The following ADAMTS6 variants were observed in gnomAD, a reference collection of about 807,000 sequenced individuals.
ADAMTS6 encodes the protein ADAM metallopeptidase with thrombospondin type 1 motif 6.
ADAMTS6 carries 23 observed loss-of-function variants against 144.3 expected under a neutral mutation model. The ratio of observed to expected loss-of-function variants is 0.16; its 90% CI spans 0.11 to 0.23. The LOEUF (loss-of-function observed/expected upper bound fraction) is 0.23, where lower values mean the gene tolerates loss of function less well. ADAMTS6 is among the 10% of genes least tolerant of loss of function. The pLI, the probability that ADAMTS6 is intolerant of heterozygous loss-of-function variation, is 1.00. For missense variants in ADAMTS6, 999 were observed against 1,379.6 expected, an observed-to-expected ratio of 0.72 and a Z score of 4.37; for synonymous variants, 444 against 457.5, an observed-to-expected ratio of 0.97 and a Z score of 0.38.
intron 7 of ADAMTS6, among the ~76,000 whole-genome samples, chr5:65,447,341 G>A (rs1180726842): frequency 1.3e-5 from 2 of 151,840 alleles, no homozygotes; most frequent in East Asian, 3.8e-4. Flanking sequence ...CTATTAATTT[G>A]GTTTATCAAT....
At chr5:65,211,164 T>C (rs1756505336) in intron 20 of ADAMTS6, among the ~76,000 whole-genome samples, 1 of 152,184 alleles carries the variant, frequency 6.6e-6, no homozygotes, top group Non-Finnish European at 1.5e-5. Flanking sequence ...CTTCCCTCAA[T>C]CATAAGCTTC....
intron 12 of ADAMTS6, 67 bp from the exon 13 acceptor site, chr5:65,263,029 A>T: frequency 6.2e-7 from 1 of 1,600,636 alleles, no homozygotes; most frequent in South Asian, 1.1e-5. Context: ...ATAGAAATAC[A>T]TAAGGGTCAG....
rs146218791 is a variant in ADAMTS6, at chr5:65,456,655, C to T, written c.631+3515G>A. ...CCAGCACCTAGAATAGCCTTGCATA[C>T]GGGTACTAAATGAATATTTATTTAA... On this transcript the variant is annotated intron_variant, in intron 4 of 24. Coordinates refer to ENST00000381055, the MANE Select transcript of ADAMTS6 (RefSeq NM_197941.4). 9.9e-5 allele frequency among the ~76,000 whole-genome samples: 15 copies of T among 152,014 alleles called. No individual in the cohort carries two copies. In the East Asian group the frequency reaches 1.4e-3, roughly 14 times the overall value.
intron 9 of ADAMTS6, among the ~76,000 whole-genome samples, chr5:65,325,121 T>C (rs1172007725): frequency 2.0e-5 from 3 of 151,986 alleles, no homozygotes; most frequent in African/African-American, 4.8e-5. Context: ...AGGAGATCCA[T>C]GGTTGTCTGG....
intron 11 of ADAMTS6, among the ~76,000 whole-genome samples, chr5:65,290,516 A>G (rs1264182534): frequency 6.6e-6 from 1 of 151,980 alleles, no homozygotes; most frequent in Admixed American, 6.6e-5. Context: ...GCACCACTGC[A>G]CTCCAGCCTG....
chr5:65,320,975 T>C (rs1344062200), intron 9 of ADAMTS6, among the ~76,000 whole-genome samples: 2 of 152,150 alleles, frequency 1.3e-5, no homozygotes, highest in Non-Finnish European at 2.9e-5. Context: ...GTTGATTTCA[T>C]GTCTTTGCTA....
At chr5:65,184,054 CTAT>C (rs2112152277) in intron 22 of ADAMTS6, among the ~76,000 whole-genome samples, 1 of 152,120 alleles carries the variant, frequency 6.6e-6, no homozygotes, top group South Asian at 2.1e-4. Context: ...GGGTAAATGC[CTAT>C]TTTTTCCTCT....
chr5:65,185,213 G>A (rs889048039), intron 22 of ADAMTS6, among the ~76,000 whole-genome samples: 3 of 152,252 alleles, frequency 2.0e-5, no homozygotes, highest in East Asian at 1.9e-4. Context: ...TCTATTTAAC[G>A]TTATTTATTC....
intron 7 of ADAMTS6, among the ~76,000 whole-genome samples, chr5:65,409,482 G>C (rs1379637221): frequency 6.6e-6 from 1 of 152,074 alleles, no homozygotes; most frequent in African/African-American, 2.4e-5. Context: ...CCAATAACAG[G>C]CTCTGAAATT....
chr5:65,277,304 T>C (rs1762618624), intron 11 of ADAMTS6, among the ~76,000 whole-genome samples: 1 of 152,196 alleles, frequency 6.6e-6, no homozygotes, highest in Non-Finnish European at 1.5e-5. Flanking sequence ...TCACTTAGAA[T>C]TCATGGGCAC....
At chr5:65,478,894 T>G (rs987360687) in intron 1 of ADAMTS6, among the ~76,000 whole-genome samples, 9 of 152,220 alleles carry the variant, frequency 5.9e-5, no homozygotes, top group African/African-American at 2.2e-4. Context: ...CTACACTACC[T>G]AAGAAGAAAA....
intron 11 of ADAMTS6, among the ~76,000 whole-genome samples, chr5:65,274,208 TTAACA>T (rs1362670710): frequency 6.6e-6 from 1 of 152,074 alleles, no homozygotes; most frequent in Non-Finnish European, 1.5e-5. Flanking sequence ...TAATACTATA[TTAACA>T]TATCAGATTT....
At position 65,215,321 on chromosome 5, in the gene ADAMTS6, T is replaced by C. The variant is rs1384364525; in HGVS notation, c.2436+3A>G. ...AGAAATACAATGGCAAAGACGCATT[T>C]ACCATGACGATGAGATTTTCTGAGG... On this transcript the variant is annotated splice_donor_region_variant and intron_variant, in intron 19 of 24. Transcript: ENST00000381055. 1.9e-6 allele frequency: 3 copies of C among 1,613,084 alleles called. No individual in the cohort carries two copies. The highest frequency in any genetic ancestry group is 2.2e-5 in the South Asian group (2 of 90,832).
At chr5:65,449,819 C>T (rs2150246441) in intron 7 of ADAMTS6, among the ~76,000 whole-genome samples, 1 of 152,114 alleles carries the variant, frequency 6.6e-6, no homozygotes, top group South Asian at 2.1e-4. Flanking sequence ...GGGCTAATTG[C>T]CCAGATGTAC....
chr5:65,332,375 C>T (rs1225048180), intron 8 of ADAMTS6, among the ~76,000 whole-genome samples: 1 of 147,986 alleles, frequency 6.8e-6, no homozygotes, highest in Non-Finnish European at 1.5e-5. Flanking sequence ...TGTGTATATA[C>T]ACATTTCTTC....
At chr5:65,223,631 G>A (rs2112383355) in intron 18 of ADAMTS6, among the ~76,000 whole-genome samples, 1 of 152,216 alleles carries the variant, frequency 6.6e-6, no homozygotes, top group South Asian at 2.1e-4. Context: ...TGTTGCAAAT[G>A]AATAGTTTCC....
At chr5:65,393,342 A>G (rs1354071314) in intron 7 of ADAMTS6, among the ~76,000 whole-genome samples, 1 of 152,212 alleles carries the variant, frequency 6.6e-6, no homozygotes, top group Non-Finnish European at 1.5e-5. Flanking sequence ...TAATCCTTCC[A>G]TGAACATATG....
At chr5:65,360,421 T>A (rs528409935) in intron 7 of ADAMTS6, among the ~76,000 whole-genome samples, 64 of 152,244 alleles carry the variant, frequency 4.2e-4, no homozygotes, top group Non-Finnish European at 8.2e-4. Context: ...CCAAATCATA[T>A]CAGTATGTGA....
chr5:65,287,666 G>A (rs572176675), intron 11 of ADAMTS6, among the ~76,000 whole-genome samples: 2 of 152,198 alleles, frequency 1.3e-5, no homozygotes, highest in African/African-American at 2.4e-5. Flanking sequence ...GAGTAGCTGG[G>A]ATTACAGGCA....
Sources: gnomAD v4.1 joint callset for allele counts (sites outside exome capture counted in the v4.1 genomes callset) on GRCh38, gnomAD v4.1.1 for gene constraint, MANE v1.5 for transcripts, NCBI Gene and HGNC (gene_info 2026-07-23, HGNC 2026-07-21) for gene names.